IQGAP2: variants seen among roughly 807,000 people sequenced by gnomAD.
IQGAP2 encodes the protein IQ motif containing GTPase activating protein 2, also known as ras GTPase-activating-like protein IQGAP2.
In IQGAP2, 173 loss-of-function variants were observed where a neutral mutation model predicts 201.3. That is an observed-to-expected ratio of 0.86 (90% CI 0.76 to 0.98). IQGAP2 has a LOEUF of 0.98. Among genes scored for constraint, IQGAP2 ranks in the 50% least tolerant of loss-of-function variants. The pLI is 0.00. For missense variants in IQGAP2, 1,687 were observed against 1,864.8 expected, an observed-to-expected ratio of 0.90 and a Z score of 1.76; for synonymous variants, 675 against 673.9, an observed-to-expected ratio of 1.00 and a Z score of -0.03.
chr5:76,473,302 C>CACCAAAGAATTT (rs151251436), intron 2 of IQGAP2, among the ~76,000 whole-genome samples: 3 of 151,928 alleles, frequency 2.0e-5, no homozygotes, highest in African/African-American at 7.3e-5. Flanking sequence ...TATAGCTATC[C>CACCAAAGAATTT]ATTGGCTATA....
chr5:76,455,962 G>T (rs1754058808), intron 1 of IQGAP2, among the ~76,000 whole-genome samples: 1 of 152,140 alleles, frequency 6.6e-6, no homozygotes, highest in Non-Finnish European at 1.5e-5. Context: ...GTGTCATGGG[G>T]GAACAGTTCC....
chr5:76,690,081 C>T (rs536831676), intron 30 of IQGAP2, among the ~76,000 whole-genome samples: 3 of 152,102 alleles, frequency 2.0e-5, no homozygotes, highest in Non-Finnish European at 2.9e-5. Flanking sequence ...GAGCAAGACC[C>T]GTGGTTTGGA....
intron 13 of IQGAP2, among the ~76,000 whole-genome samples, chr5:76,619,709 A>G (rs2069674): frequency 0.09 from 13,632 of 151,796 alleles, 1,096 homozygotes; most frequent in Admixed American, 0.2. Flanking sequence ...TAGTAGAGAC[A>G]GGGTTTCACC....
In IQGAP2 at chr5:76,551,681, C is replaced by T. The variant is rs1004630348; in HGVS notation, c.147-10715C>T. Among the ~76,000 whole-genome samples, 8 of 151,586 alleles carry T rather than the reference C, an allele frequency of 5.3e-5. No homozygotes were observed. In the South Asian group the frequency reaches 1.7e-3, roughly 32 times the overall value. On this transcript the variant is annotated intron_variant, in intron 2 of 35. Coordinates refer to ENST00000274364, the MANE Select transcript of IQGAP2 (RefSeq NM_006633.5). ...CAGCCCAGCCAACACGGCGAAACCC[C>T]GTCTCCACCAAAAAATGCAAAAACC... is the stretch of plus-strand genomic sequence containing the variant.
chr5:76,623,936 C>CTTTTTTTTTTTTTT (rs368076875), intron 13 of IQGAP2, among the ~76,000 whole-genome samples: 2 of 100,780 alleles, frequency 2.0e-5, no homozygotes, highest in Non-Finnish European at 3.8e-5. Flanking sequence ...TTTGTTCAGG[C>CTTTTTTTTTTTTTT]TTTTTTTTTT....
chr5:76,676,798 C>G (rs1460165642), intron 27 of IQGAP2, among the ~76,000 whole-genome samples: 1 of 152,166 alleles, frequency 6.6e-6, no homozygotes, highest in Non-Finnish European at 1.5e-5. Context: ...GGCCCAGGAG[C>G]CTGTGCTGTT....
At position 76,580,534 on chromosome 5, in the gene IQGAP2, A is replaced by T. The variant is rs185860713; in HGVS notation, c.458+4765A>T. 2.4e-3 allele frequency among the ~76,000 whole-genome samples: 372 copies of T among 152,404 alleles called. 2 individuals carry two copies. Among genetic ancestry groups the T allele is most frequent in the African/African-American group, 8.7e-3 (362 of 41,600 alleles). On this transcript the variant is annotated intron_variant, in intron 5 of 35. Coordinates refer to ENST00000274364, the MANE Select transcript of IQGAP2 (RefSeq NM_006633.5). ...AATGCTCCCCAACTTGTTAAAGTCA[A>T]TATAAATACACATTCGCTATTTATC... is the stretch of plus-strand genomic sequence containing the variant.
intron 3 of IQGAP2, among the ~76,000 whole-genome samples, chr5:76,570,228 A>G (rs923842086): frequency 4.6e-5 from 7 of 152,242 alleles, no homozygotes; most frequent in African/African-American, 1.7e-4. Context: ...ATGGTTGCCA[A>G]AATCTGGACA....
At position 76,637,127 on chromosome 5, in the gene IQGAP2, C is replaced by T; in HGVS notation, c.1874C>T (p.Pro625Leu). 1 of 1,611,208 alleles carries T rather than the reference C, an allele frequency of 6.2e-7. No individual in the cohort carries two copies. The highest frequency in any genetic ancestry group is 8.5e-7 in the Non-Finnish European group (1 of 1,178,450). ...TDSKESSWVT[P>L]ESCLYKESWL... is the part of the protein sequence containing the mutation. ...TCAAAAGAGAGTTCCTGGGTCACAC[C>T]TGAATCATGCTTGTATAAAGAATCA... is the stretch of plus-strand genomic sequence containing the variant. Residue 625 changes from proline to leucine, a missense_variant, in exon 16 of 36, where the codon CCT becomes CTT. Pro to Leu is a moderately conservative substitution (Grantham distance 98, BLOSUM62 -3). Transcript: ENST00000274364.
intron 12 of IQGAP2, chr5:76,609,379 G>A: frequency 2.9e-6 from 2 of 699,976 alleles, no homozygotes; most frequent in Non-Finnish European, 4.7e-6. Flanking sequence ...AATGTTTACA[G>A]ATAATATAAC....
At chr5:76,597,404 A>C in intron 9 of IQGAP2, 35 bp from the exon 10 acceptor site, 3 of 1,610,398 alleles carry the variant, frequency 1.9e-6, no homozygotes, top group African/African-American at 1.3e-5. Flanking sequence ...TGGAAAGAGC[A>C]ACCATTCTGA....
intron 14 of IQGAP2, among the ~76,000 whole-genome samples, chr5:76,631,404 T>C (rs1396813000): frequency 6.6e-6 from 1 of 152,160 alleles, no homozygotes; most frequent in Non-Finnish European, 1.5e-5. Context: ...TTTTTGACAA[T>C]CTTGCTAAAT....
At chr5:76,531,235 CCTA>C (rs1377746814) in intron 2 of IQGAP2, among the ~76,000 whole-genome samples, 1 of 152,048 alleles carries the variant, frequency 6.6e-6, no homozygotes, top group Non-Finnish European at 1.5e-5. Context: ...AGAGAGAGAA[CCTA>C]CTCCTGCAAG....
At chr5:76,468,262 GTGTT>G (rs1754896464) in intron 2 of IQGAP2, among the ~76,000 whole-genome samples, 1 of 152,244 alleles carries the variant, frequency 6.6e-6, no homozygotes, top group East Asian at 1.9e-4. Flanking sequence ...TCTAAATACT[GTGTT>G]TGTTTTACAG....
intron 28 of IQGAP2, among the ~76,000 whole-genome samples, chr5:76,682,170 G>A (rs1346257494): frequency 6.6e-6 from 1 of 152,146 alleles, no homozygotes; most frequent in Non-Finnish European, 1.5e-5. Flanking sequence ...TACACTAGAA[G>A]CCATTGCATC....
In IQGAP2 at chr5:76,602,306, A is replaced by T. The variant is rs938468283; in HGVS notation, c.1232+1334A>T. Among the ~76,000 whole-genome samples, 24 of 152,268 alleles carry T rather than the reference A, an allele frequency of 1.6e-4. 1 individual carries two copies. The highest frequency in any genetic ancestry group is 1.9e-4 in the East Asian group (1 of 5,174). On this transcript the variant is annotated intron_variant, in intron 11 of 35. Coordinates refer to ENST00000274364, the MANE Select transcript of IQGAP2 (RefSeq NM_006633.5). ...AGAAGACAGACCCGGTCAATCCCTT[A>T]TGAAGCTTACAGGCTAATGGGGCAT...
chr5:76,664,488 G>C (rs567203626), intron 21 of IQGAP2, among the ~76,000 whole-genome samples: 45 of 152,168 alleles, frequency 3.0e-4, no homozygotes, highest in Non-Finnish European at 4.9e-4. Flanking sequence ...ATCGAGACCA[G>C]CCTGGCCAAC....
At chr5:76,545,464 A>C (rs1743040291) in intron 2 of IQGAP2, among the ~76,000 whole-genome samples, 1 of 152,192 alleles carries the variant, frequency 6.6e-6, no homozygotes, top group Non-Finnish European at 1.5e-5. Flanking sequence ...GACCCCTAAA[A>C]GTTATTTCCT....
At chr5:76,686,803 CT>C (rs1745815471) in intron 30 of IQGAP2, among the ~76,000 whole-genome samples, 1 of 152,206 alleles carries the variant, frequency 6.6e-6, no homozygotes, top group South Asian at 2.1e-4. Context: ...GCCACCACTC[CT>C]GGCCCCACCT....
Sources: gnomAD v4.1 joint callset for allele counts (sites outside exome capture counted in the v4.1 genomes callset) on GRCh38, gnomAD v4.1.1 for gene constraint, MANE v1.5 for transcripts, NCBI Gene and HGNC (gene_info 2026-07-23, HGNC 2026-07-21) for gene names.